HESX1: variants seen among roughly 807,000 people sequenced by gnomAD.
HESX1 encodes homeobox expressed in ES cells 1.
A neutral mutation model predicts 22.5 loss-of-function variants in HESX1; 11 were observed. That is an observed-to-expected ratio of 0.49 (90% confidence interval 0.31 to 0.81). The LOEUF (loss-of-function observed/expected upper bound fraction) is 0.81. Ranked by LOEUF, HESX1 falls within the 30% of genes least tolerant of loss-of-function variation. The pLI is 0.05. For synonymous variants in HESX1, 74 were observed against 76.5 expected, an observed-to-expected ratio of 0.97 and a Z score of 0.17; for missense variants, 201 against 212.6, an observed-to-expected ratio of 0.95 and a Z score of 0.34.
At chr3:57,227,379 A>C (rs2060653440), upstream of HESX1, among the ~76,000 whole-genome samples, 1 of 152,202 alleles carries the variant, frequency 6.6e-6, no homozygotes, top group South Asian at 2.1e-4. Context: ...AGGAAACTAA[A>C]AGGCGCCAGC....
upstream of HESX1, among the ~76,000 whole-genome samples, chr3:57,202,767 G>A (rs978654214): frequency 1.3e-5 from 2 of 152,228 alleles, no homozygotes; most frequent in Non-Finnish European, 2.9e-5. Context: ...CAAGGTGATG[G>A]AGATGCAATA....
chr3:57,224,762 A>G (rs1207231378), intron 1 of HESX1, among the ~76,000 whole-genome samples: 1 of 152,228 alleles, frequency 6.6e-6, no homozygotes, highest in Non-Finnish European at 1.5e-5. Context: ...ACAGACCAGA[A>G]CTTCAAGGAG....
upstream of HESX1, among the ~76,000 whole-genome samples, chr3:57,200,356 G>A (rs555415331): frequency 5.3e-5 from 8 of 152,298 alleles, no homozygotes; most frequent in African/African-American, 1.9e-4. Context: ...GGCAAGATAC[G>A]AGAGCAGTCG....
At chr3:57,203,198 G>A (rs958677803), upstream of HESX1, among the ~76,000 whole-genome samples, 1 of 152,162 alleles carries the variant, frequency 6.6e-6, no homozygotes, top group Non-Finnish European at 1.5e-5. Flanking sequence ...ATCAGTTGGG[G>A]AGTTATTTAT....
chr3:57,210,376 T>C (rs868759962), intron 1 of HESX1, among the ~76,000 whole-genome samples: 1 of 152,188 alleles, frequency 6.6e-6, no homozygotes, highest in African/African-American at 2.4e-5. Context: ...ATCCAAATCA[T>C]TAACATCAGG....
upstream of HESX1, among the ~76,000 whole-genome samples, chr3:57,203,680 G>A (rs962812973): frequency 1.3e-5 from 2 of 151,928 alleles, no homozygotes; most frequent in Admixed American, 6.6e-5. Flanking sequence ...TCAGCCTCCC[G>A]AGTAGCTGGG....
intron 1 of HESX1, among the ~76,000 whole-genome samples, chr3:57,215,789 CA>C (rs1276564432): frequency 6.6e-6 from 1 of 151,860 alleles, no homozygotes; most frequent in African/African-American, 2.4e-5. Context: ...AACAAACAAA[CA>C]AAAAAACCAC....
At chr3:57,219,224 G>T (rs2060601076) in intron 1 of HESX1, among the ~76,000 whole-genome samples, 1 of 152,092 alleles carries the variant, frequency 6.6e-6, no homozygotes, top group Admixed American at 6.6e-5. Flanking sequence ...TAATGATGAT[G>T]GCCTACAGCT....
intron 1 of HESX1, among the ~76,000 whole-genome samples, chr3:57,221,900 C>T (rs1167354321): frequency 6.6e-6 from 1 of 152,198 alleles, no homozygotes; most frequent in Non-Finnish European, 1.5e-5. Flanking sequence ...CCACTGCTCC[C>T]GGCCAATATG....
intron 2 of HESX1, 104 bp from the exon 3 acceptor site, chr3:57,198,596 T>C (rs902164979): frequency 9.6e-6 from 10 of 1,037,804 alleles, no homozygotes; most frequent in Non-Finnish European, 1.0e-5. Context: ...CTGGATGCCT[T>C]TTTAAAAATG....
intron 1 of HESX1, among the ~76,000 whole-genome samples, chr3:57,212,614 C>T (rs545644480): frequency 1.4e-5 from 2 of 144,094 alleles, no homozygotes; most frequent in South Asian, 2.2e-4. Flanking sequence ...AGAGAAAAAA[C>T]GTAAATTTTA....
At chr3:57,198,561 C>T in intron 2 of HESX1, 69 bp from the exon 3 acceptor site, 3 of 1,101,324 alleles carry the variant, frequency 2.7e-6, no homozygotes, top group Non-Finnish European at 4.1e-6. Flanking sequence ...AGTAAAATGA[C>T]TACATTTAAA....
chr3:57,201,484 G>A (rs1378781646), upstream of HESX1, among the ~76,000 whole-genome samples: 6 of 151,730 alleles, frequency 4.0e-5, no homozygotes, highest in Non-Finnish European at 8.8e-5. Flanking sequence ...TTCCACAATT[G>A]GTTGAGCACC....
At position 57,214,439 on chromosome 3, in the gene HESX1, C is replaced by T. The variant is rs183978110; in HGVS notation, c.-111+11857G>A. Among the ~76,000 whole-genome samples, 663 of 152,144 alleles carry T rather than the reference C, an allele frequency of 4.4e-3. 5 individuals carry two copies. Among genetic ancestry groups the T allele is most frequent in the African/African-American group, 0.015 (636 of 41,510 alleles). On this transcript the variant is annotated intron_variant, in intron 1 of 2. Coordinates refer to the HESX1 transcript ENST00000495160. The stretch of plus-strand genomic sequence containing the variant: ...CTACTTGAGTGAGATTGAATAGGAC[C>T]GAGGAAGGGTTAAGAACCGAACTCT...
At chr3:57,201,415 C>T (rs942243986), upstream of HESX1, among the ~76,000 whole-genome samples, 19 of 151,852 alleles carry the variant, frequency 1.3e-4, no homozygotes, top group African/African-American at 4.4e-4. Flanking sequence ...TAGGAGGAAG[C>T]GAGAGAATAC....
chr3:57,220,745 A>G (rs1001024440), intron 1 of HESX1, among the ~76,000 whole-genome samples: 2 of 151,988 alleles, frequency 1.3e-5, no homozygotes, highest in African/African-American at 4.8e-5. Flanking sequence ...ACAATTTATT[A>G]TATAGTATAT....
In HESX1 at chr3:57,199,785, C is replaced by A. The variant is rs775911468; in HGVS notation, c.134G>T (p.Trp45Leu). The A allele has an allele frequency of 2.5e-6, 4 of 1,614,128 alleles. No homozygotes were observed. The highest frequency in any genetic ancestry group is 1.7e-5 in the Admixed American group (1 of 60,018). The change falls in exon 1 of 4, where the codon TGG (tryptophan) becomes TTG (leucine). Residue 45 changes from tryptophan to leucine, a missense_variant. Coordinates refer to ENST00000295934, the MANE Select transcript of HESX1 (RefSeq NM_003865.3). Reference protein sequence around the residue: ...CVPLMKPHRPWADTCSSSGKD... With the variant: ...CVPLMKPHRPLADTCSSSGKD... ...ACCTGATGAGCTGCAGGTGTCTGCC[C>A]AGGGCCTGTGGGGTTTCATTAATGG...
At chr3:57,200,520 T>G (rs2060479697), upstream of HESX1, among the ~76,000 whole-genome samples, 1 of 152,354 alleles carries the variant, frequency 6.6e-6, no homozygotes, top group Non-Finnish European at 1.5e-5. Context: ...CAATAGTATT[T>G]GGAGTGCAGC....
chr3:57,225,731 C>T (rs2060638431), intron 1 of HESX1, among the ~76,000 whole-genome samples: 1 of 152,132 alleles, frequency 6.6e-6, no homozygotes, highest in South Asian at 2.1e-4. Context: ...TTTACAGAAA[C>T]ACAGTTTAGA....
Sources: gnomAD v4.1 joint callset for allele counts (sites outside exome capture counted in the v4.1 genomes callset) on GRCh38, gnomAD v4.1.1 for gene constraint, MANE v1.5 for transcripts, NCBI Gene and HGNC (gene_info 2026-07-23, HGNC 2026-07-21) for gene names.